SYNE2: variants seen among roughly 807,000 people sequenced by gnomAD.
SYNE2 encodes spectrin repeat containing nuclear envelope protein 2.
SYNE2 carries 431 observed loss-of-function variants against 856.3 expected under a neutral mutation model. That is an observed-to-expected ratio of 0.50 (90% CI 0.47 to 0.55). The LOEUF is 0.55. SYNE2 is among the 20% of genes least tolerant of loss of function. SYNE2 has a pLI of 0.00. For synonymous variants in SYNE2, 2,923 were observed against 2,872.3 expected, an observed-to-expected ratio of 1.02 and a Z score of -0.56; for missense variants, 8,129 against 8,023.2, an observed-to-expected ratio of 1.01 and a Z score of -0.50.
At chr14:63,841,832 C>CTTTTTTTTTTTTTTTTTTTTT (rs34947861) in intron 1 of SYNE2, among the ~76,000 whole-genome samples, 2 of 115,080 alleles carry the variant, frequency 1.7e-5, no homozygotes, top group African/African-American at 3.3e-5. Context: ...TTCTTTCTTT[C>CTTTTTTTTTTTTTTTTTTTTT]TTTTTTTTTT....
intron 1 of SYNE2, among the ~76,000 whole-genome samples, chr14:63,879,561 A>G (rs778155132): frequency 5.3e-5 from 8 of 152,226 alleles, no homozygotes; most frequent in Non-Finnish European, 1.2e-4. Context: ...GGAGGGTGGG[A>G]AAGCCGATCT....
chr14:63,968,868 T>C (rs1281389653), intron 11 of SYNE2, among the ~76,000 whole-genome samples: 2 of 152,216 alleles, frequency 1.3e-5, no homozygotes, highest in African/African-American at 4.8e-5. Flanking sequence ...CAAGTTATTT[T>C]AAAATGTACA....
chr14:64,085,570 T>A (rs374283710), intron 57 of SYNE2, among the ~76,000 whole-genome samples: 2 of 152,338 alleles, frequency 1.3e-5, no homozygotes, highest in South Asian at 2.1e-4. Context: ...TTACGATGTG[T>A]TTAAATAAAT....
At position 64,107,456 on chromosome 14, in the gene SYNE2, G is replaced by T. The variant is rs145259416; in HGVS notation, c.12493-35G>T. ...AAGAATTCATGTGGCACCAGGGCAG[G>T]ACCCTTTCTGGAGCTCTGATTCTTT... On this transcript the variant is annotated intron_variant, in intron 64 of 115. Transcript: ENST00000555002. The T allele has an allele frequency of 3.6e-5, 56 of 1,569,694 alleles. No homozygotes were observed. The East Asian group carries it at 6.3e-4, about 18-fold the overall frequency.
intron 1 of SYNE2, among the ~76,000 whole-genome samples, chr14:63,903,126 G>C (rs2095360910): frequency 6.6e-6 from 1 of 152,144 alleles, no homozygotes; most frequent in Non-Finnish European, 1.5e-5. Flanking sequence ...AGAAATGTCA[G>C]CAGTTTCTCA....
intron 18 of SYNE2, among the ~76,000 whole-genome samples, chr14:63,985,133 C>G (rs2096615218): frequency 6.6e-6 from 1 of 152,062 alleles, no homozygotes; most frequent in Non-Finnish European, 1.5e-5. Flanking sequence ...AGTTTGAGAC[C>G]AGCCTGGCCA....
intron 11 of SYNE2, among the ~76,000 whole-genome samples, chr14:63,972,753 T>C (rs557291755): frequency 1.3e-5 from 2 of 152,278 alleles, no homozygotes; most frequent in African/African-American, 2.4e-5. Context: ...AAATATTGAG[T>C]GTAGCCCTCA....
At chr14:63,840,070 A>G (rs927493536) in intron 1 of SYNE2, among the ~76,000 whole-genome samples, 2 of 152,146 alleles carry the variant, frequency 1.3e-5, no homozygotes, top group African/African-American at 4.8e-5. Flanking sequence ...GGAGTTCAAG[A>G]CCAGCCTGGC....
chr14:63,894,117 A>G (rs1479484200), intron 1 of SYNE2, among the ~76,000 whole-genome samples: 1 of 152,120 alleles, frequency 6.6e-6, no homozygotes, highest in Admixed American at 6.5e-5. Context: ...AACAGTTTGT[A>G]TAAGATAAGA....
At chr14:63,793,539 G>A (rs1321081832) in intron 1 of SYNE2, among the ~76,000 whole-genome samples, 1 of 90,632 alleles carries the variant, frequency 1.1e-5, no homozygotes, top group African/African-American at 3.3e-5. Flanking sequence ...TGCTAAACGT[G>A]AAATGTCAAC....
intron 63 of SYNE2, among the ~76,000 whole-genome samples, chr14:64,100,813 G>T (rs2097722453): frequency 6.7e-6 from 1 of 148,724 alleles, no homozygotes; most frequent in African/African-American, 2.5e-5. Context: ...AGACATTTTT[G>T]TAATCCCTGG....
chr14:63,953,875 A>G (rs750729708), intron 7 of SYNE2, among the ~76,000 whole-genome samples: 13 of 152,090 alleles, frequency 8.5e-5, no homozygotes, highest in Non-Finnish European at 4.4e-5. Context: ...TTCACTTGGC[A>G]TGGTTTTTAA....
At chr14:64,064,431 T>C (rs997830350) in intron 50 of SYNE2, among the ~76,000 whole-genome samples, 4 of 152,168 alleles carry the variant, frequency 2.6e-5, no homozygotes, top group African/African-American at 4.8e-5. Flanking sequence ...AAATAAATCT[T>C]ACACATTTTT....
chr14:64,192,666 A>G (rs1451382738), intron 99 of SYNE2, among the ~76,000 whole-genome samples: 2 of 152,212 alleles, frequency 1.3e-5, no homozygotes, highest in African/African-American at 4.8e-5. Flanking sequence ...TGTAAAGTAG[A>G]TACCATTGTC....
chr14:64,142,179 AT>A (rs1309733396), intron 82 of SYNE2, 91 bp downstream of exon 82: 10 of 1,488,374 alleles, frequency 6.7e-6, no homozygotes, highest in Non-Finnish European at 7.4e-6. Context: ...ATAGGATATA[AT>A]TTCAAAAAAC....
chr14:64,184,358 GTGTGTA>G (rs1555532279), intron 96 of SYNE2, among the ~76,000 whole-genome samples: 1 of 150,726 alleles, frequency 6.6e-6, no homozygotes, highest in African/African-American at 2.5e-5. Context: ...GTGTGTGTGT[GTGTGTA>G]TGTGTATGAA....
chr14:64,011,380 G>C (rs2096843729), intron 32 of SYNE2, among the ~76,000 whole-genome samples: 1 of 152,172 alleles, frequency 6.6e-6, no homozygotes, highest in Non-Finnish European at 1.5e-5. Context: ...CTCATCTTGG[G>C]ATCTAGAAGG....
intron 1 of SYNE2, among the ~76,000 whole-genome samples, chr14:63,900,143 A>C (rs909485605): frequency 2.0e-5 from 3 of 152,168 alleles, no homozygotes; most frequent in Admixed American, 6.5e-5. Context: ...TCATGGGTTA[A>C]GTGGGTGGTT....
chr14:63,973,079 A>G (rs970536736), intron 11 of SYNE2, among the ~76,000 whole-genome samples: 2 of 151,992 alleles, frequency 1.3e-5, no homozygotes, highest in South Asian at 4.2e-4. Flanking sequence ...AACATGGCAC[A>G]TCCCTGTCTC....
Sources: allele counts gnomAD v4.1 joint callset (sites outside exome capture counted in the v4.1 genomes callset), GRCh38; gene constraint gnomAD v4.1.1; transcripts MANE v1.5; gene names NCBI Gene and HGNC (gene_info 2026-07-23, HGNC 2026-07-21).